The following ACSM6 variants were observed in gnomAD, a reference collection of about 807,000 sequenced individuals.
ACSM6 encodes acyl-CoA synthetase medium chain family member 6.
ACSM6 carries 35 observed loss-of-function variants against 51.1 expected under a neutral mutation model. The observed-to-expected ratio is 0.69, with a 90% confidence interval of 0.52 to 0.91. The LOEUF is 0.91. Ranked by LOEUF, ACSM6 falls within the 40% of genes least tolerant of loss-of-function variation. The pLI, the probability that ACSM6 is intolerant of heterozygous loss-of-function variation, is 0.00. For missense variants in ACSM6, 509 were observed against 584.1 expected, an observed-to-expected ratio of 0.87 and a Z score of 1.32; for synonymous variants, 172 against 207.3, an observed-to-expected ratio of 0.83 and a Z score of 1.46.
At chr10:95,211,250 C>T (rs2034890413) in intron 5 of ACSM6, among the ~76,000 whole-genome samples, 1 of 152,158 alleles carries the variant, frequency 6.6e-6, no homozygotes. Flanking sequence ...AGTTAAGTAG[C>T]TCATGGGTAT....
At chr10:95,223,131 C>T (rs1331890419) in intron 9 of ACSM6, among the ~76,000 whole-genome samples, 1 of 149,618 alleles carries the variant, frequency 6.7e-6, no homozygotes, top group Admixed American at 6.9e-5. Flanking sequence ...ATTCCTTACA[C>T]TCCCTATCCA....
At chr10:95,208,933 T>TAAAAAAAAAAAAA (rs34370150) in intron 4 of ACSM6, among the ~76,000 whole-genome samples, 2 of 33,924 alleles carry the variant, frequency 5.9e-5, no homozygotes, top group Non-Finnish European at 1.1e-4. Context: ...CAGGGATGTT[T>TAAAAAAAAAAAAA]AAAAAAAAAA....
chr10:95,209,569 G>A (rs551545856), intron 4 of ACSM6, among the ~76,000 whole-genome samples: 2 of 152,218 alleles, frequency 1.3e-5, no homozygotes, highest in South Asian at 4.2e-4. Flanking sequence ...GGTGGCAATG[G>A]AGACAGGACC....
chr10:95,199,659 AAAAC>A (rs1291273390), intron 2 of ACSM6, among the ~76,000 whole-genome samples: 8 of 152,230 alleles, frequency 5.3e-5, no homozygotes, highest in Admixed American at 1.3e-4. Context: ...TCACAAGAAA[AAAAC>A]AAACAACCCC....
chr10:95,212,906 T>C (rs369483990), exon 7 of ACSM6: 1 of 1,613,624 alleles, frequency 6.2e-7, no homozygotes, highest in Non-Finnish European at 8.5e-7. Flanking sequence ...TCCAGAGATG[T>C]ACCAGGAACT....
At chr10:95,221,234 A>G (rs948026362) in intron 9 of ACSM6, among the ~76,000 whole-genome samples, 2 of 152,196 alleles carry the variant, frequency 1.3e-5, no homozygotes, top group Non-Finnish European at 2.9e-5. Context: ...GAAAGAGGAG[A>G]AACTCCAACT....
chr10:95,212,041 T>A lies in ACSM6; in HGVS notation c.912+7T>A, dbSNP rs768065860. On this transcript the variant is annotated splice_region_variant and intron_variant, in intron 6 of 10. Coordinates refer to ENST00000341686, the Ensembl canonical transcript of ACSM6. Reference sequence around the variant, plus strand: ...CCCTGAGACTGTTCTAAATGTAAGATCAATTCCTAGTGTGGAATGTGTGGG... The same window carrying A: ...CCCTGAGACTGTTCTAAATGTAAGAACAATTCCTAGTGTGGAATGTGTGGG... 5.6e-6 allele frequency: 9 copies of A among 1,613,792 alleles called. No homozygotes were observed. Among genetic ancestry groups the A allele is most frequent in the Non-Finnish European group, 7.6e-6 (9 of 1,179,888 alleles).
At chr10:95,226,405 CA>C (rs970218774) in intron 10 of ACSM6, 15 of 146,986 alleles carry the variant, frequency 1.0e-4, no homozygotes, top group East Asian at 2.0e-4. Context: ...TCCATCTCTA[CA>C]AAAAAAAAAT....
chr10:95,212,066 G>A, intron 6 of ACSM6, 32 bp downstream of exon 6: 1 of 1,612,788 alleles, frequency 6.2e-7, no homozygotes, highest in South Asian at 1.1e-5. Context: ...GAATGTGTGG[G>A]ACAAAGGCCA....
intron 9 of ACSM6, 103 bp from the exon 10 acceptor site, chr10:95,225,187 T>C: frequency 2.4e-6 from 2 of 843,086 alleles, no homozygotes; most frequent in Non-Finnish European, 3.7e-6. Context: ...TTTCCTGGCA[T>C]CTTAAATGGG....
intron 8 of ACSM6, among the ~76,000 whole-genome samples, chr10:95,215,224 C>A (rs2034932880): frequency 6.6e-6 from 1 of 152,112 alleles, no homozygotes; most frequent in South Asian, 2.1e-4. Context: ...CAATTCCTGC[C>A]CTCTTTGTGG....
intron 8 of ACSM6, among the ~76,000 whole-genome samples, chr10:95,215,325 G>A (rs978957757): frequency 6.6e-6 from 1 of 152,164 alleles, no homozygotes; most frequent in Admixed American, 6.6e-5. Context: ...GCTGAAAATG[G>A]AAGAAAGAGT....
chr10:95,196,811 T>C (rs1390056721), intron 2 of ACSM6, among the ~76,000 whole-genome samples: 1 of 152,244 alleles, frequency 6.6e-6, no homozygotes, highest in African/African-American at 2.4e-5. Context: ...TCAACACCAA[T>C]AAATATTCTA....
At chr10:95,219,673 T>C (rs2034976455) in intron 8 of ACSM6, among the ~76,000 whole-genome samples, 1 of 152,238 alleles carries the variant, frequency 6.6e-6, no homozygotes. Flanking sequence ...AATTGCAGTA[T>C]GGTTTACATG....
intron 2 of ACSM6, among the ~76,000 whole-genome samples, chr10:95,197,579 A>C (rs815244): frequency 0.96 from 146,519 of 152,058 alleles, 70,638 homozygotes; most frequent in East Asian, 1. Flanking sequence ...AATAACAAGG[A>C]AGCATTGCTG....
chr10:95,223,159 G>GAC (rs10572248), intron 9 of ACSM6, among the ~76,000 whole-genome samples: 38,437 of 146,726 alleles, frequency 0.26, 5,007 homozygotes, highest in Non-Finnish European at 0.32. Context: ...CACACATACA[G>GAC]ACACACACAC....
intron 2 of ACSM6, chr10:95,201,588 T>G (rs767153562): frequency 3.3e-5 from 15 of 458,048 alleles, no homozygotes; most frequent in South Asian, 2.3e-4. Context: ...TCCATCACTT[T>G]GCTATTGTGA....
intron 2 of ACSM6, among the ~76,000 whole-genome samples, chr10:95,199,016 T>C (rs1325046389): frequency 1.8e-5 from 2 of 108,956 alleles, no homozygotes; most frequent in Non-Finnish European, 4.3e-5. Flanking sequence ...AAAGTTCATA[T>C]GGAACCAAAA....
intron 2 of ACSM6, among the ~76,000 whole-genome samples, chr10:95,198,089 G>T (rs2034754431): frequency 6.6e-6 from 1 of 152,204 alleles, no homozygotes; most frequent in Non-Finnish European, 1.5e-5. Context: ...AGTGGCTGGG[G>T]CAAAGCTACA....
Sources: allele counts gnomAD v4.1 joint callset (sites outside exome capture counted in the v4.1 genomes callset), GRCh38; gene constraint gnomAD v4.1.1; transcripts MANE v1.5; gene names NCBI Gene and HGNC (gene_info 2026-07-23, HGNC 2026-07-21).